The following USP12 variants were observed in gnomAD, a reference collection of about 807,000 sequenced individuals.
USP12 encodes the protein ubiquitin specific peptidase 12, also known as ubiquitin carboxyl-terminal hydrolase 12.
In USP12, 19 loss-of-function variants were observed where a neutral mutation model predicts 45.5. The ratio of observed to expected loss-of-function variants is 0.42; its 90% CI spans 0.29 to 0.61. The LOEUF is 0.61. Ranked by LOEUF, USP12 falls within the 20% of genes least tolerant of loss-of-function variation. The pLI is 0.22. For synonymous variants in USP12, 149 were observed against 148.8 expected, an observed-to-expected ratio of 1.00 and a Z score of -0.01; for missense variants, 242 against 447.7, an observed-to-expected ratio of 0.54 and a Z score of 4.15.
intron 8 of USP12, among the ~76,000 whole-genome samples, chr13:27,070,657 G>A (rs1480469656): frequency 2.0e-5 from 3 of 151,656 alleles, no homozygotes; most frequent in Non-Finnish European, 2.9e-5. Flanking sequence ...GGGTTCAAGC[G>A]CTTCTCCTGC....
chr13:27,135,224 A>C (rs963149733), intron 1 of USP12, among the ~76,000 whole-genome samples: 2 of 152,214 alleles, frequency 1.3e-5, no homozygotes, highest in African/African-American at 4.8e-5. Context: ...CAGAGGTTGC[A>C]GTGAGCCGAG....
intron 3 of USP12, among the ~76,000 whole-genome samples, chr13:27,103,607 A>AAAAAAAAATAATAAT (rs372985958): frequency 7.8e-6 from 1 of 128,520 alleles, no homozygotes; most frequent in African/African-American, 2.9e-5. Context: ...TCAAAAAAAA[A>AAAAAAAAATAATAAT]AATAATAATA....
intron 1 of USP12, among the ~76,000 whole-genome samples, chr13:27,132,550 G>C (rs551819754): frequency 7.0e-4 from 106 of 152,270 alleles, no homozygotes; most frequent in Middle Eastern, 3.4e-3. Flanking sequence ...TCAAGTGTCT[G>C]GAAATCCCTG....
intron 1 of USP12, among the ~76,000 whole-genome samples, chr13:27,171,135 G>A (rs1322387966): frequency 6.0e-5 from 9 of 151,192 alleles, no homozygotes; most frequent in Admixed American, 2.6e-4. Flanking sequence ...CGACCAGAAG[G>A]AAATGGAGCC....
At chr13:27,122,600 C>G (rs188821501) in intron 1 of USP12, among the ~76,000 whole-genome samples, 7 of 151,774 alleles carry the variant, frequency 4.6e-5, no homozygotes, top group Non-Finnish European at 8.8e-5. Flanking sequence ...TGCAGTGAGC[C>G]GGGAGTGTGC....
rs1555234986 is a variant in USP12 at position 27,110,127 on chromosome 13, T to TAAAAAA, written c.130-4189_130-4184dup. On this transcript the variant is annotated intron_variant, in intron 2 of 8. Coordinates refer to ENST00000282344, the MANE Select transcript of USP12 (RefSeq NM_182488.4). ...GATGACTAGGATTTCCTTTTCCAGG[T>TAAAAAA]AAAAAAAAAAAAAAAAAAAGGATAA... Among the ~76,000 whole-genome samples, 620 of 119,584 alleles carry TAAAAAA rather than the reference T, an allele frequency of 5.2e-3. 11 individuals are homozygous for TAAAAAA. Among genetic ancestry groups the TAAAAAA allele is most frequent in the East Asian group, 0.034 (130 of 3,880 alleles). 78.5% of individuals were successfully genotyped at this position (119,584 alleles called of 152,430 possible). A position where few individuals can be genotyped will look rare whatever the true frequency, so the allele number is the denominator to read the frequency against.
chr13:27,161,124 C>T (rs138652562), intron 1 of USP12, among the ~76,000 whole-genome samples: 7 of 152,294 alleles, frequency 4.6e-5, no homozygotes, highest in South Asian at 2.1e-4. Context: ...GCTACTACCC[C>T]CAAGGTACCA....
At chr13:27,163,058 C>G (rs1287927075) in intron 1 of USP12, 1 of 152,082 alleles carries the variant, frequency 6.6e-6, no homozygotes, top group Non-Finnish European at 1.5e-5. Flanking sequence ...TGTACCCCAT[C>G]CATCTTGTTT....
chr13:27,089,650 T>G, intron 6 of USP12: 1 of 455,094 alleles, frequency 2.2e-6, no homozygotes, highest in Non-Finnish European at 4.0e-6. Flanking sequence ...TGGTTTATGA[T>G]GATTAAATAA....
intron 7 of USP12, among the ~76,000 whole-genome samples, chr13:27,071,897 AATTAT>A: frequency 6.6e-6 from 1 of 152,226 alleles, no homozygotes; most frequent in Non-Finnish European, 1.5e-5. Context: ...AGGCTCATAT[AATTAT>A]ATTTATTAAA....
At chr13:27,073,800 T>C (rs1565980498) in intron 7 of USP12, among the ~76,000 whole-genome samples, 1 of 152,330 alleles carries the variant, frequency 6.6e-6, no homozygotes, top group East Asian at 1.9e-4. Flanking sequence ...ATTATTTACA[T>C]TTTCTAGAAG....
At chr13:27,100,228 AAAT>A (rs1296734893) in intron 3 of USP12, among the ~76,000 whole-genome samples, 1 of 152,130 alleles carries the variant, frequency 6.6e-6, no homozygotes, top group African/African-American at 2.4e-5. Context: ...CCGTCCCTGA[AAAT>A]AATAACCATT....
intron 1 of USP12, chr13:27,117,772 G>C (rs771307518): frequency 1.9e-6 from 1 of 517,936 alleles, no homozygotes; most frequent in Non-Finnish European, 3.8e-6. Flanking sequence ...ACCTCGCACA[G>C]ACAATCATAG....
intron 1 of USP12, among the ~76,000 whole-genome samples, chr13:27,131,916 G>C (rs2137811562): frequency 6.6e-6 from 1 of 152,142 alleles, no homozygotes; most frequent in East Asian, 1.9e-4. Flanking sequence ...TTTGCAAGAA[G>C]AGAAATTGAC....
intron 1 of USP12, among the ~76,000 whole-genome samples, chr13:27,133,583 C>G (rs936356423): frequency 6.7e-6 from 1 of 148,212 alleles, no homozygotes; most frequent in Non-Finnish European, 1.5e-5. Context: ...GAGCCAATAT[C>G]GCGCCACTGC....
intron 1 of USP12, among the ~76,000 whole-genome samples, chr13:27,157,689 C>A (rs1470619555): frequency 1.3e-5 from 2 of 152,114 alleles, no homozygotes; most frequent in African/African-American, 4.8e-5. Context: ...ATTCACTTCT[C>A]ACTTCCTCGC....
intron 2 of USP12, among the ~76,000 whole-genome samples, chr13:27,107,184 G>C (rs976562925): frequency 2.6e-5 from 4 of 152,096 alleles, no homozygotes; most frequent in Non-Finnish European, 5.9e-5. Flanking sequence ...AATTAGCTAG[G>C]CATGATGACA....
intron 2 of USP12, among the ~76,000 whole-genome samples, chr13:27,110,383 A>C (rs1313561508): frequency 1.3e-5 from 2 of 152,216 alleles, no homozygotes; most frequent in African/African-American, 4.8e-5. Context: ...AGGGGATAAA[A>C]CAAAGCTCTG....
intron 7 of USP12, among the ~76,000 whole-genome samples, chr13:27,074,854 G>A (rs982065328): frequency 6.6e-6 from 1 of 151,996 alleles, no homozygotes; most frequent in South Asian, 2.1e-4. Flanking sequence ...CTGAACATAC[G>A]CAATTAAACT....
Sources: gnomAD v4.1 joint callset for allele counts (sites outside exome capture counted in the v4.1 genomes callset) on GRCh38, gnomAD v4.1.1 for gene constraint, MANE v1.5 for transcripts, NCBI Gene and HGNC (gene_info 2026-07-23, HGNC 2026-07-21) for gene names.